NUDC: variants seen among roughly 807,000 people sequenced by gnomAD.
The protein encoded by NUDC is nuclear distribution C, dynein complex regulator.
In NUDC, 14 loss-of-function variants were observed where a neutral mutation model predicts 45.0. The ratio of observed to expected loss-of-function variants is 0.31; its 90% CI spans 0.21 to 0.49. The LOEUF (loss-of-function observed/expected upper bound fraction) is 0.49. Among genes scored for constraint, NUDC ranks in the 20% least tolerant of loss-of-function variants. The pLI is 0.99. For missense variants in NUDC, 323 were observed against 426.2 expected (o/e 0.76, Z 2.13); for synonymous variants, 153 against 156.7 (o/e 0.98, Z 0.17).
At position 26,942,947 on chromosome 1, in the gene NUDC, G is replaced by A. The variant is rs752385591; in HGVS notation, c.623G>A (p.Arg208Gln). ...GTGGACATCCAGCGGCGGCACCTCCGGGTGGGGCTCAAGGGGCAGCCAGCG... is the reference window on the plus strand; with the variant it reads ...GTGGACATCCAGCGGCGGCACCTCCAGGTGGGGCTCAAGGGGCAGCCAGCG... ...MVVDIQRRHL[R>Q]VGLKGQPAII... The change falls in exon 6 of 9, where the codon CGG becomes CAG. Residue 208 changes from arginine (R) to glutamine (Q), a missense_variant. By Grantham distance (43) the Arg-to-Gln change is conservative (BLOSUM62 1). Around this residue, in one of 3 missense-constraint regions of NUDC, gnomAD observed 245 missense variants for 278.8 expected, o/e 0.88. Transcript: ENST00000321265. 1.4e-5 allele frequency: 22 copies of A among 1,614,000 alleles called. No individual in the cohort carries two copies. The highest frequency in any genetic ancestry group is 9.9e-5 in the South Asian group (9 of 91,078).
intron 1 of NUDC, among the ~76,000 whole-genome samples, chr1:26,901,335 C>G (rs2081977627): frequency 6.6e-6 from 1 of 151,224 alleles, no homozygotes. Context: ...AAGTGATCCA[C>G]TGGCCTCAGC....
intron 2 of NUDC, among the ~76,000 whole-genome samples, chr1:26,925,774 T>C (rs1299645812): frequency 6.7e-6 from 1 of 149,210 alleles, no homozygotes; most frequent in Non-Finnish European, 1.5e-5. Flanking sequence ...CAGGCTGCAG[T>C]GCAATGGCAC....
At chr1:26,935,605 C>G (rs897528319) in intron 2 of NUDC, among the ~76,000 whole-genome samples, 1 of 151,888 alleles carries the variant, frequency 6.6e-6, no homozygotes, top group African/African-American at 2.4e-5. Flanking sequence ...CAAATTACCC[C>G]CCACCAGGTC....
At chr1:26,918,796 G>A (rs976411986), upstream of NUDC, among the ~76,000 whole-genome samples, 5 of 151,426 alleles carry the variant, frequency 3.3e-5, no homozygotes, top group East Asian at 2.0e-4. Flanking sequence ...GGCTGGTCTC[G>A]AACTCCCGAC....
intron 6 of NUDC, 40 bp from the exon 7 acceptor site, chr1:26,945,350 G>A (rs1274511641): frequency 1.3e-6 from 2 of 1,553,450 alleles, no homozygotes. Flanking sequence ...CTGGTGCACA[G>A]AGCAGGCCAC....
intron 2 of NUDC, among the ~76,000 whole-genome samples, chr1:26,939,827 T>C (rs1407864082): frequency 6.6e-6 from 1 of 152,244 alleles, no homozygotes; most frequent in Non-Finnish European, 1.5e-5. Flanking sequence ...TTCCAGGTGA[T>C]GCTGATGCTG....
Position 26,900,544 on chromosome 1 carries a change from T to C in NUDC, c.-101+144T>C, listed in dbSNP as rs1290050629. ...AGATTGTGAAAATTCTAACTAGTCC[T>C]TTGGGATTGGGGTTGTGGAACCTGG... On this transcript the variant is annotated intron_variant, in intron 1 of 6. Coordinates refer to the NUDC transcript ENST00000435827. 10 of 946,790 alleles carry C rather than the reference T, an allele frequency of 1.1e-5. No homozygotes were observed. In the East Asian group the frequency reaches 2.0e-4, roughly 19 times the overall value. The allele number at this position is 946,790 out of a possible 1,614,324, so 58.6% of individuals were successfully genotyped here. A position where few individuals can be genotyped will look rare whatever the true frequency, so the allele number is the denominator to read the frequency against.
intron 3 of NUDC, among the ~76,000 whole-genome samples, chr1:26,916,065 G>T (rs1425137833): frequency 6.6e-6 from 1 of 152,056 alleles, no homozygotes; most frequent in African/African-American, 2.4e-5. Flanking sequence ...GGGGCCTGAA[G>T]GTTACGATTT....
chr1:26,941,548 A>C lies in NUDC; in HGVS notation c.251A>C (p.Lys84Thr). The C allele has an allele frequency of 6.2e-7, 1 of 1,611,930 alleles. No homozygotes were observed. Among genetic ancestry groups the C allele is most frequent in the Non-Finnish European group, 8.5e-7 (1 of 1,179,298 alleles). ...RARQEAERRE[K>T]AERAARLAKE... is the part of the protein sequence containing the mutation. ...CGGCAGGAGGCCGAGCGGCGGGAGA[A>C]GGCGGAGCGGGCGGCCAGACTGGCC... is the stretch of plus-strand genomic sequence containing the variant. The change falls in exon 3 of 9, where the codon AAG (lysine) becomes ACG (threonine). Residue 84 changes from lysine to threonine, a missense_variant. Lys to Thr is a moderately conservative substitution (Grantham distance 78). Around this residue, in one of 3 missense-constraint regions of NUDC, gnomAD observed 245 missense variants for 278.8 expected, o/e 0.88. Transcript: ENST00000321265.
At position 26,945,581 on chromosome 1, in the gene NUDC, A is replaced by G. The variant is rs1348802413; in HGVS notation, c.839A>G (p.Asp280Gly). Residue 280 changes from aspartate (D) to glycine (G), a missense_variant, in exon 8 of 9, where the codon GAC becomes GGC. Around this residue, in one of 3 missense-constraint regions of NUDC, gnomAD observed 54 missense variants for 100.2 expected, o/e 0.54. Transcript: ENST00000321265. ...NPENSKLSDLDSETRSMVEKM... is the reference protein window; with the variant it reads ...NPENSKLSDLGSETRSMVEKM... ...GCCTGCCCTCAGCTGTCAGACCTGG[A>G]CAGTGAGACTCGCAGCATGGTGGAA... 1 of 1,614,138 alleles carries G rather than the reference A, an allele frequency of 6.2e-7. No individual in the cohort carries two copies. Among genetic ancestry groups the G allele is most frequent in the Non-Finnish European group, 8.5e-7 (1 of 1,179,972 alleles).
intron 2 of NUDC, among the ~76,000 whole-genome samples, chr1:26,940,931 A>AT (rs1328302078): frequency 4.2e-5 from 6 of 143,460 alleles, no homozygotes; most frequent in East Asian, 2.1e-4. Flanking sequence ...TATTATTATT[A>AT]TTTTTTTTTG....
chr1:26,911,017 C>A, intron 2 of NUDC: 1 of 414,042 alleles, frequency 2.4e-6, no homozygotes, highest in Non-Finnish European at 4.9e-6. Flanking sequence ...CCTGGTGGTC[C>A]AGCTAAACCT....
Position 26,907,960 on chromosome 1 carries a change from C to T in NUDC, c.-15-3168C>T, listed in dbSNP as rs185730252. ...TTGGAAGGCCAAGGCAGGTGGATCA[C>T]CTGAGGTCAGGAGTTTGAGACTAGC... On this transcript the variant is annotated intron_variant, in intron 2 of 6. Transcript: ENST00000435827. Among the ~76,000 whole-genome samples, 522 of 152,322 alleles carry T rather than the reference C, an allele frequency of 3.4e-3. 2 individuals carry two copies. Among genetic ancestry groups the T allele is most frequent in the African/African-American group, 0.012 (492 of 41,582 alleles).
intron 2 of NUDC, among the ~76,000 whole-genome samples, chr1:26,928,662 G>A (rs898866464): frequency 6.6e-6 from 1 of 152,118 alleles, no homozygotes; most frequent in Non-Finnish European, 1.5e-5. Flanking sequence ...GTGTCACTAC[G>A]CTGCAGTCTT....
At chr1:26,915,993 G>A (rs533380484) in intron 3 of NUDC, among the ~76,000 whole-genome samples, 16 of 152,232 alleles carry the variant, frequency 1.1e-4, no homozygotes, top group Admixed American at 3.3e-4. Flanking sequence ...CTCTTTCTGT[G>A]CCTCAGTTTC....
intron 3 of NUDC, among the ~76,000 whole-genome samples, chr1:26,914,975 A>ATATATG (rs57409245): frequency 0.041 from 5,810 of 141,230 alleles, 236 homozygotes; most frequent in African/African-American, 0.11. Flanking sequence ...TCAAAAAAAT[A>ATATATG]TATATGTATA....
chr1:26,914,025 G>A (rs2082047371), intron 3 of NUDC: 2 of 1,160,430 alleles, frequency 1.7e-6, no homozygotes, highest in African/African-American at 1.6e-5. Context: ...GAGTGGAACG[G>A]GGGGAATGGC....
intron 7 of NUDC, 23 bp downstream of exon 7, chr1:26,945,496 A>T (rs1386749843): frequency 6.2e-7 from 1 of 1,612,956 alleles, no homozygotes; most frequent in East Asian, 2.2e-5. Context: ...TGGTTGGGGG[A>T]GCTTCAGCAG....
intron 3 of NUDC, chr1:26,911,692 G>A: frequency 1.2e-6 from 1 of 860,096 alleles, no homozygotes; most frequent in Non-Finnish European, 1.9e-6. Context: ...TCCAATGTGG[G>A]GTGTGGCTGA....
Sources: gnomAD v4.1 joint callset for allele counts (sites outside exome capture counted in the v4.1 genomes callset) on GRCh38, gnomAD v4.1.1 for gene constraint, gnomAD v4.1.1 regional missense constraint, MANE v1.5 for transcripts, NCBI Gene and HGNC (gene_info 2026-07-23, HGNC 2026-07-21) for gene names.